The following GABRG3 variants were observed in gnomAD, a reference collection of about 807,000 sequenced individuals.
GABRG3 encodes gamma-aminobutyric acid type A receptor subunit gamma3.
Under a neutral mutation model 48.8 loss-of-function variants are expected in GABRG3, and 25 were observed. The observed-to-expected ratio is 0.51, with a 90% confidence interval of 0.37 to 0.72. The LOEUF (loss-of-function observed/expected upper bound fraction) is 0.72. GABRG3 is among the 30% of genes least tolerant of loss of function. The pLI is 0.00. For missense variants in GABRG3, 394 were observed against 577.9 expected (o/e 0.68, Z 3.26); for synonymous variants, 227 against 217.6 (o/e 1.04, Z -0.38).
intron 6 of GABRG3, among the ~76,000 whole-genome samples, chr15:27,505,291 G>A (rs560028260): frequency 6.6e-6 from 1 of 152,148 alleles, no homozygotes; most frequent in Non-Finnish European, 1.5e-5. Flanking sequence ...TACTGGTGAT[G>A]TTAACCTTGA....
chr15:27,512,567 G>A (rs1039429109), intron 6 of GABRG3, among the ~76,000 whole-genome samples: 9 of 152,162 alleles, frequency 5.9e-5, no homozygotes, highest in African/African-American at 1.4e-4. Flanking sequence ...TAAAGTTCCC[G>A]AAAGTAGTCA....
At chr15:27,306,783 G>A (rs1467036569) in intron 3 of GABRG3, among the ~76,000 whole-genome samples, 1 of 96,586 alleles carries the variant, frequency 1.0e-5, no homozygotes. Context: ...ATATAAACAT[G>A]TTTATATATA....
chr15:27,058,508 C>T lies in GABRG3; in HGVS notation c.270+31687C>T, dbSNP rs564154485. Among the ~76,000 whole-genome samples the T allele has an allele frequency of 9.2e-5, 14 of 152,302 alleles. No individual in the cohort carries two copies. In the East Asian group the frequency reaches 1.3e-3, roughly 15 times the overall value. On this transcript the variant is annotated intron_variant, in intron 3 of 9. Coordinates refer to ENST00000615808, the MANE Select transcript of GABRG3 (RefSeq NM_033223.5). ...TGAACAGGAAATGAGCTATTTCTTG[C>T]TCAACCAGGAGTTGTAGCATCTTTG...
chr15:27,229,342 C>T (rs1378009598), intron 3 of GABRG3, among the ~76,000 whole-genome samples: 1 of 152,088 alleles, frequency 6.6e-6, no homozygotes, highest in African/African-American at 2.4e-5. Context: ...AGGCAGTTTT[C>T]CCCATGGCTT....
chr15:27,265,111 A>C (rs1259052547), intron 3 of GABRG3, among the ~76,000 whole-genome samples: 1 of 152,080 alleles, frequency 6.6e-6, no homozygotes, highest in Non-Finnish European at 1.5e-5. Flanking sequence ...ACCAAAGTTA[A>C]ACCTCTACAA....
intron 3 of GABRG3, among the ~76,000 whole-genome samples, chr15:27,089,454 A>T (rs748127754): frequency 6.6e-6 from 1 of 152,064 alleles, no homozygotes; most frequent in African/African-American, 2.4e-5. Context: ...TGGCATTAGT[A>T]TGGTTCAGTC....
At chr15:27,222,505 C>G (rs1333140433) in intron 3 of GABRG3, among the ~76,000 whole-genome samples, 1 of 152,182 alleles carries the variant, frequency 6.6e-6, no homozygotes, top group Non-Finnish European at 1.5e-5. Flanking sequence ...TAGTAGAGGA[C>G]ATGGACTTTG....
At chr15:27,163,284 G>C (rs1887259233) in intron 3 of GABRG3, among the ~76,000 whole-genome samples, 1 of 152,072 alleles carries the variant, frequency 6.6e-6, no homozygotes, top group African/African-American at 2.4e-5. Context: ...AGGATTTCTT[G>C]AGGGCAGGAC....
intron 3 of GABRG3, among the ~76,000 whole-genome samples, chr15:27,243,063 C>G (rs575108002): frequency 6.6e-6 from 1 of 152,248 alleles, no homozygotes; most frequent in South Asian, 2.1e-4. Flanking sequence ...GATTACGACC[C>G]GTAGCGTTTT....
At chr15:27,176,843 C>T (rs1230856354) in intron 3 of GABRG3, among the ~76,000 whole-genome samples, 1 of 152,050 alleles carries the variant, frequency 6.6e-6, no homozygotes, top group Non-Finnish European at 1.5e-5. Flanking sequence ...AGCCCAGCTA[C>T]CTGCGTTTAC....
intron 6 of GABRG3, among the ~76,000 whole-genome samples, chr15:27,493,368 G>A (rs2150850419): frequency 6.6e-6 from 1 of 152,150 alleles, no homozygotes; most frequent in South Asian, 2.1e-4. Context: ...CTAATATCAG[G>A]TAGATAGCTT....
intron 5 of GABRG3, among the ~76,000 whole-genome samples, chr15:27,467,021 A>C (rs1364975613): frequency 6.6e-6 from 1 of 152,200 alleles, no homozygotes; most frequent in Non-Finnish European, 1.5e-5. Context: ...ATAGCATCTT[A>C]GTCATCTGGG....
rs1325383953 is a variant in GABRG3, at chr15:27,520,007, A to G, written c.748A>G (p.Ser250Gly). ...TGTCATGACTATATATTTTGAATTG[A>G]GTAGAAGAATGGGATACTTCACCAT... ...YVVMTIYFEL[S>G]RRMGYFTIQT... The change falls in exon 7 of 10, where the codon AGT becomes GGT. Residue 250 changes from serine to glycine, a missense_variant. Physicochemically the swap from Ser to Gly is moderately conservative, Grantham distance 56. Around this residue, in one of 3 missense-constraint regions of GABRG3, gnomAD observed 218 missense variants for 309.9 expected, o/e 0.70. Transcript: ENST00000615808. The G allele has an allele frequency of 1.3e-6, 2 of 1,577,814 alleles. No homozygotes were observed. The highest frequency in any genetic ancestry group is 1.8e-5 in the Admixed American group (1 of 54,202).
intron 9 of GABRG3, chr15:27,530,826 G>A (rs1891406164): frequency 2.6e-6 from 1 of 391,568 alleles, no homozygotes; most frequent in Non-Finnish European, 5.3e-6. Context: ...GAGGCATGAA[G>A]CAACGAGTGG....
intron 3 of GABRG3, among the ~76,000 whole-genome samples, chr15:27,267,283 T>A (rs956141822): frequency 6.6e-6 from 1 of 151,806 alleles, no homozygotes; most frequent in Non-Finnish European, 1.5e-5. Flanking sequence ...ATTTTTGTAT[T>A]TTTAGTAGTG....
intron 5 of GABRG3, among the ~76,000 whole-genome samples, chr15:27,383,757 T>C (rs1170007378): frequency 1.3e-5 from 2 of 152,206 alleles, no homozygotes; most frequent in African/African-American, 4.8e-5. Context: ...TTTTCTTCAT[T>C]GTTTATTTTC....
Position 26,976,879 on chromosome 15 carries a change from T to C in GABRG3, c.54-123T>C. Reference sequence around the variant, plus strand: ...AAATATTTTCGGGTTTTCACGTGTGTGGTTGGGCTGTGGGTACTGGGGACT... The same window carrying C: ...AAATATTTTCGGGTTTTCACGTGTGCGGTTGGGCTGTGGGTACTGGGGACT... On this transcript the variant is annotated intron_variant, in intron 1 of 9. Coordinates refer to ENST00000615808, the MANE Select transcript of GABRG3 (RefSeq NM_033223.5). This position sits in a 1 kb window ranked among gnomAD's most constrained non-coding sequence, Gnocchi z 7.8. 1.2e-6 allele frequency: 1 copy of C among 865,566 alleles called. No homozygotes were observed. The highest frequency in any genetic ancestry group is 1.8e-6 in the Non-Finnish European group (1 of 545,432). 53.6% of individuals were successfully genotyped at this position (865,566 alleles called of 1,614,324 possible).
At chr15:27,417,353 T>C (rs1179627208) in intron 5 of GABRG3, among the ~76,000 whole-genome samples, 1 of 152,198 alleles carries the variant, frequency 6.6e-6, no homozygotes, top group Non-Finnish European at 1.5e-5. Flanking sequence ...AAATAGACAG[T>C]ATCTGGCCTA....
chr15:27,175,932 C>T (rs1887730061), intron 3 of GABRG3, among the ~76,000 whole-genome samples: 1 of 151,168 alleles, frequency 6.6e-6, no homozygotes. Flanking sequence ...GCAAATTATG[C>T]ACCAGAAAAG....
Sources: allele counts gnomAD v4.1 joint callset (sites outside exome capture counted in the v4.1 genomes callset), GRCh38; gene constraint gnomAD v4.1.1; regional missense constraint gnomAD v4.1.1; non-coding constraint Gnocchi (gnomAD v3.1); transcripts MANE v1.5; gene names NCBI Gene and HGNC (gene_info 2026-07-23, HGNC 2026-07-21).